The following RIMOC1 variants were observed in gnomAD, a reference collection of about 807,000 sequenced individuals.
RIMOC1 encodes the protein RAB7A interacting MON1-CCZ1 complex subunit 1.
chr5:41,914,567 G>A, the RIMOC1 span, among the ~76,000 whole-genome samples: 6 of 151,172 alleles, frequency 4.0e-5, no homozygotes, highest in Non-Finnish European at 8.8e-5. Flanking sequence ...GGCGCCAGGA[G>A]TTCAAGACAT....
the RIMOC1 span, among the ~76,000 whole-genome samples, chr5:41,914,661 A>G: frequency 1.3e-5 from 2 of 151,934 alleles, no homozygotes; most frequent in Non-Finnish European, 2.9e-5. Flanking sequence ...TTCCAGCTAC[A>G]TGGCAGGCTG....
chr5:41,916,399 A>G, the RIMOC1 span: 2 of 924,466 alleles, frequency 2.2e-6, no homozygotes, highest in Non-Finnish European at 2.6e-6. Context: ...ATAAGAAGAA[A>G]GAGTTCAACT....
the RIMOC1 span, among the ~76,000 whole-genome samples, chr5:41,905,648 C>A: frequency 6.6e-6 from 1 of 152,238 alleles, no homozygotes; most frequent in Non-Finnish European, 1.5e-5. Context: ...ATGAATAATT[C>A]TTGGGTAGTA....
At chr5:41,912,438 C>T in the RIMOC1 span, among the ~76,000 whole-genome samples, 1 of 152,166 alleles carries the variant, frequency 6.6e-6, no homozygotes, top group African/African-American at 2.4e-5. Flanking sequence ...TGCATCCTCA[C>T]ACAGCCCTGT....
the RIMOC1 span, chr5:41,917,930 G>T: frequency 1.1e-6 from 1 of 907,416 alleles, no homozygotes; most frequent in Non-Finnish European, 1.3e-6. Context: ...TTTCTATTTT[G>T]TTTAAAAGAC....
the RIMOC1 span, chr5:41,907,811 A>T: frequency 6.2e-7 from 1 of 1,608,266 alleles, no homozygotes; most frequent in East Asian, 2.2e-5. Flanking sequence ...GAATGTTCAA[A>T]TCCATCAAAT....
the RIMOC1 span, chr5:41,907,655 A>G: frequency 1.3e-6 from 1 of 747,700 alleles, no homozygotes; most frequent in Non-Finnish European, 2.2e-6. Context: ...TTGTCATTTC[A>G]TCTTCATACA....
the RIMOC1 span, among the ~76,000 whole-genome samples, chr5:41,915,880 A>G: frequency 0.027 from 4,093 of 152,302 alleles, 86 homozygotes; most frequent in South Asian, 0.06. Context: ...GCTACTCTTT[A>G]TAAGCAGAAA....
chr5:41,909,927 A>G, the RIMOC1 span: 1 of 1,499,198 alleles, frequency 6.7e-7, no homozygotes, highest in Non-Finnish European at 9.0e-7. Context: ...ATGATGGAAT[A>G]TTGCTGGTAC....
chr5:41,917,674 T>C, the RIMOC1 span: 2 of 967,948 alleles, frequency 2.1e-6, no homozygotes, highest in Non-Finnish European at 2.5e-6. Context: ...TAAATCTCAC[T>C]ACCTTGAAGT....
At chr5:41,908,766 T>G in the RIMOC1 span, among the ~76,000 whole-genome samples, 12 of 152,178 alleles carry the variant, frequency 7.9e-5, no homozygotes, top group East Asian at 7.7e-4. Context: ...CATTTTAACT[T>G]ACTGGAATAA....
chr5:41,917,877 T>C, the RIMOC1 span: 1 of 798,256 alleles, frequency 1.3e-6, no homozygotes, highest in Non-Finnish European at 1.5e-6. Context: ...GTATTTAAAA[T>C]TTCTACTTCC....
chr5:41,905,577 T>C, the RIMOC1 span, among the ~76,000 whole-genome samples: 1 of 152,224 alleles, frequency 6.6e-6, no homozygotes, highest in African/African-American at 2.4e-5. Flanking sequence ...GCCAGGAGTG[T>C]GTTCTTTAAA....
chr5:41,908,454 G>A, the RIMOC1 span: 1 of 152,008 alleles, frequency 6.6e-6, no homozygotes, highest in Non-Finnish European at 1.5e-5. Context: ...GCCCTTTTTG[G>A]ATTGCTAAGG....
chr5:41,910,350 C>T, the RIMOC1 span, among the ~76,000 whole-genome samples: 1 of 151,880 alleles, frequency 6.6e-6, no homozygotes, highest in African/African-American at 2.4e-5. Context: ...AGCAACTGTT[C>T]TGCCTTCCAT....
chr5:41,911,260 T>A, the RIMOC1 span: 1 of 1,325,724 alleles, frequency 7.5e-7, no homozygotes, highest in Non-Finnish European at 1.0e-6. Context: ...CTACTAAGAG[T>A]AGTGGATCAA....
chr5:41,912,000 A>G, the RIMOC1 span: 1 of 945,622 alleles, frequency 1.1e-6, no homozygotes, highest in South Asian at 1.3e-5. Flanking sequence ...AATGGAAAAT[A>G]TTAGTATTTG....
At chr5:41,904,553 G>T in the RIMOC1 span, 5 of 1,306,088 alleles carry the variant, frequency 3.8e-6, no homozygotes, top group Non-Finnish European at 5.4e-6. Flanking sequence ...AGAGGCTGAG[G>T]CCTGTGTTCC....
chr5:41,919,359 A>C, the RIMOC1 span: 5 of 152,174 alleles, frequency 3.3e-5, no homozygotes, highest in Non-Finnish European at 7.4e-5. Flanking sequence ...AGTGTTGCTC[A>C]AACAGTTAAA....
Sources: gnomAD v4.1 joint callset for allele counts (sites outside exome capture counted in the v4.1 genomes callset) on GRCh38, gnomAD v4.1.1 for gene constraint, MANE v1.5 for transcripts, NCBI Gene and HGNC (gene_info 2026-07-23, HGNC 2026-07-21) for gene names.